GRIA1: variants seen among roughly 807,000 people sequenced by gnomAD.
GRIA1 encodes glutamate ionotropic receptor AMPA type subunit 1.
In GRIA1, 31 loss-of-function variants were observed where a neutral mutation model predicts 99.2. The ratio of observed to expected loss-of-function variants is 0.31; its 90% confidence interval spans 0.23 to 0.42. The LOEUF (loss-of-function observed/expected upper bound fraction) is 0.42, where lower values mean the gene tolerates loss of function less well. GRIA1 is among the 10% of genes least tolerant of loss of function. GRIA1 has a pLI of 1.00. For synonymous variants in GRIA1, 438 were observed against 432.4 expected, an observed-to-expected ratio of 1.01 and a Z score of -0.16; for missense variants, 782 against 1,157.5, an observed-to-expected ratio of 0.68 and a Z score of 4.71.
At chr5:153,730,566 G>A (rs1376168984) in intron 11 of GRIA1, among the ~76,000 whole-genome samples, 2 of 152,018 alleles carry the variant, frequency 1.3e-5, no homozygotes, top group African/African-American at 4.8e-5. Flanking sequence ...GGAAAGTGGG[G>A]TTAAATTATA....
intron 2 of GRIA1, among the ~76,000 whole-genome samples, chr5:153,588,003 A>G (rs1763640313): frequency 6.6e-6 from 1 of 152,316 alleles, no homozygotes; most frequent in South Asian, 2.1e-4. Context: ...TTAGGTTCTA[A>G]AAAATGAGAA....
In GRIA1 at chr5:153,813,591, A is replaced by G. The variant is rs1280397787; in HGVS notation, c.*2366A>G. ...ACTACACTTTTCTTAAAAATAGAGC[A>G]TTGGGAAAACTCTGAAAGAGACTGA... On this transcript the variant is annotated 3_prime_UTR_variant, in exon 16 of 16. Transcript: ENST00000285900. 1.3e-5 allele frequency: 2 copies of G among 152,266 alleles called. No individual in the cohort carries two copies. Among genetic ancestry groups the G allele is most frequent in the African/African-American group, 2.4e-5 (1 of 41,474 alleles). The allele number at this position is 152,266 out of a possible 1,614,324, so 9.4% of individuals were successfully genotyped here.
chr5:153,517,413 G>A (rs1460414077), intron 2 of GRIA1, among the ~76,000 whole-genome samples: 2 of 152,134 alleles, frequency 1.3e-5, no homozygotes, highest in African/African-American at 2.4e-5. Context: ...GTAACCACTA[G>A]TGCTGGTAAG....
chr5:153,661,265 G>A lies in GRIA1; in HGVS notation c.699+5393G>A, dbSNP rs149073215. Among the ~76,000 whole-genome samples the A allele has an allele frequency of 2.6e-5, 4 of 152,328 alleles. 1 individual carries two copies. The highest frequency in any genetic ancestry group is 9.6e-5 in the African/African-American group (4 of 41,580). ...GCAGGTGGTATAGTAGTTGGGAAGG[G>A]TGGCTTTGGAGCCAGTTCTGGGTTT... On this transcript the variant is annotated intron_variant, in intron 5 of 15. Coordinates refer to ENST00000285900, the MANE Select transcript of GRIA1 (RefSeq NM_000827.4).
chr5:153,802,529 T>C (rs1766118157), intron 15 of GRIA1, 39 bp downstream of exon 15: 4 of 1,610,002 alleles, frequency 2.5e-6, no homozygotes, highest in Non-Finnish European at 3.4e-6. Context: ...TAACCTGTTC[T>C]GTGATGCAGC....
chr5:153,515,838 C>G (rs921260577), intron 2 of GRIA1, among the ~76,000 whole-genome samples: 2 of 152,128 alleles, frequency 1.3e-5, no homozygotes, highest in African/African-American at 4.8e-5. Context: ...CAGATTGTGT[C>G]CAGCTTAGTC....
intron 2 of GRIA1, among the ~76,000 whole-genome samples, chr5:153,622,623 T>C (rs935447018): frequency 6.6e-6 from 1 of 152,160 alleles, no homozygotes; most frequent in Non-Finnish European, 1.5e-5. Flanking sequence ...GCAGGCTTTC[T>C]TCTCTGAGAT....
chr5:153,583,126 C>T (rs2149377524), intron 2 of GRIA1, among the ~76,000 whole-genome samples: 1 of 151,912 alleles, frequency 6.6e-6, no homozygotes, highest in Non-Finnish European at 1.5e-5. Context: ...ACAGATGGGG[C>T]TTCGCCATGT....
chr5:153,499,766 A>G (rs1754807799), intron 2 of GRIA1, among the ~76,000 whole-genome samples: 2 of 152,130 alleles, frequency 1.3e-5, no homozygotes, highest in Admixed American at 1.3e-4. Flanking sequence ...ATGACTGTGG[A>G]TGATGAAAAC....
At chr5:153,725,586 T>C (rs1760459993) in intron 11 of GRIA1, among the ~76,000 whole-genome samples, 2 of 102,436 alleles carry the variant, frequency 2.0e-5, no homozygotes, top group Non-Finnish European at 3.8e-5. Context: ...AAGGCAGGGG[T>C]TGCAATCCTA....
At chr5:153,642,449 A>G (rs1753839638) in intron 2 of GRIA1, among the ~76,000 whole-genome samples, 1 of 152,144 alleles carries the variant, frequency 6.6e-6, no homozygotes, top group Non-Finnish European at 1.5e-5. Context: ...ATTACAGGCC[A>G]GTCACAGTGG....
chr5:153,662,482 G>A (rs1003941165), intron 5 of GRIA1, among the ~76,000 whole-genome samples: 2 of 152,320 alleles, frequency 1.3e-5, no homozygotes, highest in Non-Finnish European at 2.9e-5. Context: ...TCAGAGGCCA[G>A]GGAGGCCGCC....
intron 2 of GRIA1, among the ~76,000 whole-genome samples, chr5:153,618,305 G>A (rs966556931): frequency 2.0e-5 from 3 of 152,108 alleles, no homozygotes; most frequent in Non-Finnish European, 4.4e-5. Context: ...TAAGATTTTG[G>A]AAAACTTCTA....
At chr5:153,805,230 G>T (rs1408680541) in intron 15 of GRIA1, among the ~76,000 whole-genome samples, 1 of 152,144 alleles carries the variant, frequency 6.6e-6, no homozygotes, top group Admixed American at 6.5e-5. Context: ...GTTGTTACTA[G>T]TGGCCAGATA....
chr5:153,560,045 C>T (rs1388801905), intron 2 of GRIA1, among the ~76,000 whole-genome samples: 2 of 152,078 alleles, frequency 1.3e-5, no homozygotes, highest in African/African-American at 2.4e-5. Flanking sequence ...GGCACAGAGA[C>T]TTACATGCCT....
At chr5:153,589,198 C>A (rs918631109) in intron 2 of GRIA1, among the ~76,000 whole-genome samples, 2 of 152,008 alleles carry the variant, frequency 1.3e-5, no homozygotes, top group African/African-American at 4.8e-5. Flanking sequence ...TTTATACTGC[C>A]TGGAGGAAGG....
At chr5:153,578,002 T>G (rs540416833) in intron 2 of GRIA1, among the ~76,000 whole-genome samples, 77 of 151,328 alleles carry the variant, frequency 5.1e-4, no homozygotes, top group African/African-American at 1.7e-3. Flanking sequence ...AATACAAAAA[T>G]TAGCTGAGCA....
At chr5:153,802,258 G>A (rs1043754097) in intron 14 of GRIA1, 98 bp from the exon 15 acceptor site, 2 of 967,354 alleles carry the variant, frequency 2.1e-6, no homozygotes, top group Admixed American at 1.9e-5. Context: ...GTGGGGTTGT[G>A]TGTATGTGTG....
At chr5:153,652,664 C>A (rs1754661127) in intron 4 of GRIA1, among the ~76,000 whole-genome samples, 1 of 152,150 alleles carries the variant, frequency 6.6e-6, no homozygotes, top group Non-Finnish European at 1.5e-5. Flanking sequence ...TAGATTGTAG[C>A]ATATTGACAT....
Sources: allele counts gnomAD v4.1 joint callset (sites outside exome capture counted in the v4.1 genomes callset), GRCh38; gene constraint gnomAD v4.1.1; transcripts MANE v1.5; gene names NCBI Gene and HGNC (gene_info 2026-07-23, HGNC 2026-07-21).